Variants in MTA3 observed in about 807,000 individuals in gnomAD.
MTA3 encodes metastasis-associated protein MTA3.
In MTA3, 34 loss-of-function variants were observed where a neutral mutation model predicts 83.5. That is an observed-to-expected ratio of 0.41 (90% CI 0.31 to 0.54). The LOEUF (loss-of-function observed/expected upper bound fraction) is 0.54, where lower values mean the gene tolerates loss of function less well. MTA3 is among the 20% of genes least tolerant of loss of function. The pLI is 0.33. For synonymous variants in MTA3, 303 were observed against 252.7 expected, an observed-to-expected ratio of 1.20 and a Z score of -1.89; for missense variants, 761 against 726.4, an observed-to-expected ratio of 1.05 and a Z score of -0.55.
chr2:42,740,091 C>T (rs1408183876), intron 16 of MTA3, among the ~76,000 whole-genome samples: 3 of 152,226 alleles, frequency 2.0e-5, no homozygotes, highest in Non-Finnish European at 2.9e-5. Flanking sequence ...GTTCTAATGG[C>T]ATCTATAAAG....
intron 11 of MTA3, among the ~76,000 whole-genome samples, chr2:42,701,162 C>T (rs1016369902): frequency 1.3e-5 from 2 of 151,658 alleles, no homozygotes; most frequent in Admixed American, 1.3e-4. Flanking sequence ...TATAACCAGG[C>T]ATGGTGGCGT....
intron 2 of MTA3, among the ~76,000 whole-genome samples, chr2:42,554,730 G>A (rs1190325680): frequency 6.6e-6 from 1 of 152,130 alleles, no homozygotes; most frequent in Non-Finnish European, 1.5e-5. Flanking sequence ...AGAGGGACAT[G>A]CTCCCTCACA....
intron 16 of MTA3, among the ~76,000 whole-genome samples, chr2:42,726,082 A>G (rs1009874539): frequency 2.2e-4 from 34 of 152,346 alleles, no homozygotes; most frequent in African/African-American, 7.2e-4. Context: ...AGTTATTACC[A>G]TCATATACTG....
chr2:42,616,141 A>T (rs1037937294), intron 4 of MTA3, among the ~76,000 whole-genome samples: 1 of 144,510 alleles, frequency 6.9e-6, no homozygotes, highest in Admixed American at 6.9e-5. Flanking sequence ...GCTCACTGCA[A>T]CTCCGCCTCC....
At chr2:42,600,469 A>G (rs1255437601) in intron 3 of MTA3, among the ~76,000 whole-genome samples, 3 of 151,376 alleles carry the variant, frequency 2.0e-5, no homozygotes, top group East Asian at 3.9e-4. Context: ...GTTACATCCT[A>G]TAGTATATAT....
intron 7 of MTA3, among the ~76,000 whole-genome samples, chr2:42,659,117 A>G (rs376060268): frequency 6.6e-6 from 1 of 152,034 alleles, no homozygotes; most frequent in Admixed American, 6.6e-5. Context: ...AAATAATAAA[A>G]ATAAAAAATC....
chr2:42,558,424 A>G lies in MTA3; in HGVS notation c.-140-12013A>G, dbSNP rs1000416108. On this transcript the variant is annotated intron_variant, in intron 2 of 17. Coordinates refer to the MTA3 transcript ENST00000405592. Reference sequence around the variant, plus strand: ...TGCCACCACGCCTGGCTAATTTTGTATTTTTAGTAGAGATGGGGTTTCTCC... The same window carrying G: ...TGCCACCACGCCTGGCTAATTTTGTGTTTTTAGTAGAGATGGGGTTTCTCC... Among the ~76,000 whole-genome samples the G allele has an allele frequency of 2.0e-5, 3 of 151,260 alleles. No individual in the cohort carries two copies. The South Asian group carries it at 6.3e-4, about 32-fold the overall frequency.
chr2:42,494,324 C>T (rs1027362820), upstream of MTA3, among the ~76,000 whole-genome samples: 4 of 152,168 alleles, frequency 2.6e-5, no homozygotes, highest in Non-Finnish European at 5.9e-5. Context: ...GGGCAGTCCC[C>T]AGGGCCCCTT....
chr2:42,539,398 C>T (rs1289655844), intron 2 of MTA3, among the ~76,000 whole-genome samples: 1 of 151,854 alleles, frequency 6.6e-6, no homozygotes, highest in African/African-American at 2.4e-5. Flanking sequence ...GGGGAAGCCC[C>T]TTATAAAATC....
chr2:42,594,348 T>C (rs915583331), intron 3 of MTA3, among the ~76,000 whole-genome samples: 1 of 149,336 alleles, frequency 6.7e-6, no homozygotes, highest in Non-Finnish European at 1.5e-5. Context: ...GCAATTCTTA[T>C]GCCTCAGCCT....
chr2:42,690,548 T>C (rs777876757), intron 9 of MTA3, among the ~76,000 whole-genome samples: 3 of 151,946 alleles, frequency 2.0e-5, no homozygotes, highest in Admixed American at 6.6e-5. Flanking sequence ...TTTTTTGTTT[T>C]CCATTAATTT....
At chr2:42,634,026 C>A (rs533693662) in intron 4 of MTA3, among the ~76,000 whole-genome samples, 17 of 152,198 alleles carry the variant, frequency 1.1e-4, no homozygotes, top group Admixed American at 3.3e-4. Context: ...ATCCCAGGGA[C>A]CTTTGACAAT....
At chr2:42,693,135 C>A (rs1185864594) in intron 9 of MTA3, among the ~76,000 whole-genome samples, 1 of 152,206 alleles carries the variant, frequency 6.6e-6, no homozygotes, top group Non-Finnish European at 1.5e-5. Context: ...TCTCCCCACA[C>A]CCCGTCCCTT....
At chr2:42,696,315 A>G (rs1001488177) in intron 10 of MTA3, among the ~76,000 whole-genome samples, 2 of 152,166 alleles carry the variant, frequency 1.3e-5, no homozygotes, top group African/African-American at 4.8e-5. Context: ...TCTTACTAGT[A>G]TGGTGTTTTT....
At chr2:42,734,637 C>T (rs1400537918) in intron 16 of MTA3, among the ~76,000 whole-genome samples, 2 of 151,898 alleles carry the variant, frequency 1.3e-5, no homozygotes, top group East Asian at 1.9e-4. Flanking sequence ...CTTCTTCCTT[C>T]CTGTCTTCCT....
chr2:42,651,461 GTTT>G (rs1036364186), intron 6 of MTA3, among the ~76,000 whole-genome samples: 1 of 152,144 alleles, frequency 6.6e-6, no homozygotes, highest in Non-Finnish European at 1.5e-5. Context: ...GATGATGGAA[GTTT>G]TTAATACTGC....
Position 42,512,511 on chromosome 2 carries a change from A to G in MTA3, c.-141+17257A>G, listed in dbSNP as rs557443860. On this transcript the variant is annotated intron_variant, in intron 2 of 17. Transcript: ENST00000405592. ...TCCTTTCCAGAGGAAAGTAATCACA[A>G]ACAAAAATCTTTATAGCAAAGGACA... Among the ~76,000 whole-genome samples, 6 of 152,340 alleles carry G rather than the reference A, an allele frequency of 3.9e-5. No homozygotes were observed. The South Asian group carries it at 1.2e-3, about 32-fold the overall frequency.
chr2:42,567,585 G>C (rs370804157), upstream of MTA3, among the ~76,000 whole-genome samples: 10 of 151,944 alleles, frequency 6.6e-5, no homozygotes, highest in South Asian at 1.0e-3. Context: ...GGAATGGACT[G>C]GCTTCTCTAA....
At chr2:42,679,336 G>A (rs551914696) in intron 8 of MTA3, among the ~76,000 whole-genome samples, 3 of 152,260 alleles carry the variant, frequency 2.0e-5, no homozygotes, top group Middle Eastern at 3.4e-3. Flanking sequence ...CAACTAAGGC[G>A]GGGAATAGTG....
Sources: allele counts gnomAD v4.1 joint callset (sites outside exome capture counted in the v4.1 genomes callset), GRCh38; gene constraint gnomAD v4.1.1; transcripts MANE v1.5; gene names NCBI Gene and HGNC (gene_info 2026-07-23, HGNC 2026-07-21).